Variants in ELOVL6 observed in about 807,000 individuals in gnomAD.
The protein encoded by ELOVL6 is very long chain fatty acid elongase 6.
Under a neutral mutation model 31.7 loss-of-function variants are expected in ELOVL6, and 8 were observed. That is an observed-to-expected ratio of 0.25 (90% confidence interval 0.15 to 0.45). ELOVL6 has a LOEUF of 0.45. Ranked by LOEUF, ELOVL6 falls within the 20% of genes least tolerant of loss-of-function variation. The pLI is 1.00. For missense variants in ELOVL6, 126 were observed against 326.4 expected, an observed-to-expected ratio of 0.39 and a Z score of 4.73; for synonymous variants, 101 against 117.7, an observed-to-expected ratio of 0.86 and a Z score of 0.92.
chr4:110,179,160 C>A (rs1759201617), intron 1 of ELOVL6, among the ~76,000 whole-genome samples: 3 of 151,716 alleles, frequency 2.0e-5, no homozygotes, highest in Admixed American at 2.0e-4. Flanking sequence ...CAGATACATA[C>A]AATTTAATTG....
chr4:110,121,612 T>C (rs892692179), intron 1 of ELOVL6, among the ~76,000 whole-genome samples: 8 of 152,088 alleles, frequency 5.3e-5, no homozygotes, highest in African/African-American at 1.4e-4. Flanking sequence ...GGCAGGAGAA[T>C]GGCGTGAACC....
In ELOVL6 at chr4:110,174,099, T is replaced by C. The variant is rs548841097; in HGVS notation, c.89+24148A>G. Among the ~76,000 whole-genome samples the C allele has an allele frequency of 2.6e-4, 40 of 152,028 alleles. No homozygotes were observed. The South Asian group carries it at 5.0e-3, about 19-fold the overall frequency. ...AAGATTAACCCACAAAAATTAGAAATTTAAAAACTTTTTTTAAAAAGAAAG... is the reference window on the plus strand; with the variant it reads ...AAGATTAACCCACAAAAATTAGAAACTTAAAAACTTTTTTTAAAAAGAAAG... On this transcript the variant is annotated intron_variant, in intron 1 of 3. Transcript: ENST00000302274.
Position 110,094,438 on chromosome 4 carries a change from T to TATATATATATAA in ELOVL6, c.221+11058_221+11059insTTATATATATAT, listed in dbSNP as rs1383825931. ...ATATATATATATATATATATATATATATATAATATATATAACATAATATAT... is the reference window on the plus strand; with the variant it reads ...ATATATATATATATATATATATATATATATATATATAAATATAATATATATAACATAATATAT... On this transcript the variant is annotated intron_variant, in intron 2 of 3. Coordinates refer to ENST00000302274, the MANE Select transcript of ELOVL6 (RefSeq NM_024090.3). Among the ~76,000 whole-genome samples the TATATATATATAA allele has an allele frequency of 2.0e-3, 110 of 55,288 alleles. 1 individual carries two copies. Among genetic ancestry groups the TATATATATATAA allele is most frequent in the East Asian group, 8.7e-3 (14 of 1,618 alleles). The allele number at this position is 55,288 out of a possible 152,430, so 36.3% of individuals were successfully genotyped here.
chr4:110,119,573 A>C (rs948888139), intron 1 of ELOVL6, among the ~76,000 whole-genome samples: 8 of 152,208 alleles, frequency 5.3e-5, no homozygotes, highest in African/African-American at 1.9e-4. Flanking sequence ...CTGGTCAGAC[A>C]GTGTCCGGAG....
At chr4:110,059,897 A>C in intron 2 of ELOVL6, 143 bp from the exon 3 acceptor site, 1 of 712,902 alleles carries the variant, frequency 1.4e-6, no homozygotes, top group Admixed American at 3.0e-5. Flanking sequence ...AAGCATCTTA[A>C]AATGTTCTGT....
intron 1 of ELOVL6, among the ~76,000 whole-genome samples, chr4:110,186,822 A>AATATATATAT (rs1284269627): frequency 5.0e-5 from 3 of 59,432 alleles, no homozygotes; most frequent in African/African-American, 2.0e-4. Flanking sequence ...AAAAAAAAAA[A>AATATATATAT]ATATATATAT....
At chr4:110,188,225 A>G (rs2126280708) in intron 1 of ELOVL6, among the ~76,000 whole-genome samples, 1 of 152,340 alleles carries the variant, frequency 6.6e-6, no homozygotes, top group South Asian at 2.1e-4. Context: ...AGCAGACAGT[A>G]AATATTTCAT....
At chr4:110,196,491 G>A (rs948354273) in intron 1 of ELOVL6, among the ~76,000 whole-genome samples, 1 of 152,190 alleles carries the variant, frequency 6.6e-6, no homozygotes, top group African/African-American at 2.4e-5. Context: ...AAGGACCCCG[G>A]GCGGTGGGGC....
intron 1 of ELOVL6, among the ~76,000 whole-genome samples, chr4:110,191,716 C>A (rs1213581921): frequency 6.6e-6 from 1 of 152,078 alleles, no homozygotes; most frequent in African/African-American, 2.4e-5. Context: ...GGGCCGGGCA[C>A]CTGTAATCCC....
chr4:110,197,564 C>T (rs1240736890), intron 1 of ELOVL6, among the ~76,000 whole-genome samples: 3 of 152,134 alleles, frequency 2.0e-5, no homozygotes, highest in South Asian at 4.2e-4. Flanking sequence ...TGGCTCCACT[C>T]GCTCGGGTTC....
At chr4:110,133,251 A>G (rs565923614) in intron 1 of ELOVL6, among the ~76,000 whole-genome samples, 1 of 152,314 alleles carries the variant, frequency 6.6e-6, no homozygotes, top group South Asian at 2.1e-4. Flanking sequence ...AGAGTGTTCT[A>G]TTGTAACCCA....
chr4:110,064,685 A>T (rs1051468094), intron 2 of ELOVL6, among the ~76,000 whole-genome samples: 13 of 152,032 alleles, frequency 8.6e-5, no homozygotes, highest in Non-Finnish European at 1.8e-4. Flanking sequence ...ATGGGGTCTC[A>T]TCATCTTGCC....
intron 1 of ELOVL6, among the ~76,000 whole-genome samples, chr4:110,112,745 A>C (rs1578489472): frequency 1.3e-5 from 2 of 152,030 alleles, no homozygotes; most frequent in Non-Finnish European, 2.9e-5. Context: ...GTGGTGGTAC[A>C]TGCTTGTAAT....
intron 2 of ELOVL6, among the ~76,000 whole-genome samples, chr4:110,062,926 T>C (rs1041005731): frequency 6.6e-6 from 1 of 152,208 alleles, no homozygotes; most frequent in African/African-American, 2.4e-5. Context: ...ATCGTATGAA[T>C]TTTTTGAAGC....
intron 3 of ELOVL6, among the ~76,000 whole-genome samples, chr4:110,057,827 G>A (rs1382916768): frequency 2.7e-5 from 4 of 145,942 alleles, no homozygotes; most frequent in African/African-American, 1.0e-4. Context: ...CTCCAGCCTC[G>A]GCAACAGAGT....
chr4:110,061,225 CCT>C lies in ELOVL6; in HGVS notation c.222-1473_222-1472del, dbSNP rs747442146. ...GGACCGACAAGGCCTCTCTGCACTG[CCT>C]CTCTCTCCCCATTCTCCACTCTCAC... On this transcript the variant is annotated intron_variant, in intron 2 of 3. Transcript: ENST00000302274. 6.9e-4 allele frequency among the ~76,000 whole-genome samples: 105 copies of C among 152,190 alleles called. 1 individual carries two copies. Among genetic ancestry groups the C allele is most frequent in the Non-Finnish European group, 1.0e-3 (69 of 68,014 alleles).
rs150443077 is a variant in ELOVL6 at position 110,126,297 on chromosome 4, C to G, written c.90-20669G>C. 3.9e-4 allele frequency among the ~76,000 whole-genome samples: 60 copies of G among 152,270 alleles called. 1 individual carries two copies. Among genetic ancestry groups the G allele is most frequent in the Middle Eastern group, 3.4e-3 (1 of 294 alleles). ...GGACTCAAGGCTGACCCACCTGCCT[C>G]GGCCTCCCAAAGTGCTGAGATTACA... On this transcript the variant is annotated intron_variant, in intron 1 of 3. Coordinates refer to ENST00000302274, the MANE Select transcript of ELOVL6 (RefSeq NM_024090.3).
At chr4:110,061,021 A>C (rs1755120943) in intron 2 of ELOVL6, among the ~76,000 whole-genome samples, 1 of 152,216 alleles carries the variant, frequency 6.6e-6, no homozygotes, top group Admixed American at 6.5e-5. Context: ...TTGTCTATTA[A>C]GTTGGGTCTT....
chr4:110,130,321 A>T (rs1451572341), intron 1 of ELOVL6, among the ~76,000 whole-genome samples: 1 of 152,216 alleles, frequency 6.6e-6, no homozygotes, highest in African/African-American at 2.4e-5. Context: ...TAGAACTAGC[A>T]AGCCAATTCC....
Sources: allele counts gnomAD v4.1 joint callset (sites outside exome capture counted in the v4.1 genomes callset), GRCh38; gene constraint gnomAD v4.1.1; transcripts MANE v1.5; gene names NCBI Gene and HGNC (gene_info 2026-07-23, HGNC 2026-07-21).